The following POLK variants were observed in gnomAD, a reference collection of about 807,000 sequenced individuals.
The protein encoded by POLK is DNA polymerase kappa.
Under a neutral mutation model 94.0 loss-of-function variants are expected in POLK, and 76 were observed. The ratio of observed to expected loss-of-function variants is 0.81; its 90% confidence interval spans 0.67 to 0.98. The LOEUF (loss-of-function observed/expected upper bound fraction) is 0.98. POLK is among the 50% of genes least tolerant of loss of function. POLK has a pLI of 0.00. For synonymous variants in POLK, 349 were observed against 325.4 expected (o/e 1.07, Z -0.78); for missense variants, 954 against 1,010.1 (o/e 0.94, Z 0.75).
intron 11 of POLK, among the ~76,000 whole-genome samples, chr5:75,591,575 A>G (rs1361048295): frequency 6.6e-6 from 1 of 152,182 alleles, no homozygotes; most frequent in African/African-American, 2.4e-5. Context: ...ATACATTGTC[A>G]ATTATTAACC....
intron 3 of POLK, among the ~76,000 whole-genome samples, chr5:75,559,731 G>A (rs1302063516): frequency 2.0e-5 from 3 of 151,508 alleles, no homozygotes; most frequent in Non-Finnish European, 2.9e-5. Flanking sequence ...GTAGAGACAG[G>A]ATCTCACTAT....
chr5:75,596,291 TA>T lies in POLK; in HGVS notation c.1599del (p.Leu533PhefsTer15). 1 of 1,613,736 alleles carries T rather than the reference TA, an allele frequency of 6.2e-7. No individual in the cohort carries two copies. Among genetic ancestry groups the T allele is most frequent in the Non-Finnish European group, 8.5e-7 (1 of 1,179,690 alleles). ...CAACAAAGGAGCATTATTGGCTTTTTACAGGCTGGAAACCAAGCCCTGTCAG... is the reference window on the plus strand; with the variant it reads ...CAACAAAGGAGCATTATTGGCTTTTTCAGGCTGGAAACCAAGCCCTGTCAG... On this transcript the variant is annotated frameshift_variant, in exon 13 of 15. Coordinates refer to ENST00000241436, the Ensembl canonical transcript of POLK. LOFTEE classifies it high-confidence loss of function.
At chr5:75,572,688 A>G (rs1046806819) in intron 4 of POLK, among the ~76,000 whole-genome samples, 64 of 152,196 alleles carry the variant, frequency 4.2e-4, no homozygotes, top group African/African-American at 1.5e-3. Context: ...CTGGTATCAC[A>G]TTATAAATAT....
At chr5:75,556,336 C>T (rs1033857349) in intron 3 of POLK, among the ~76,000 whole-genome samples, 30 of 152,150 alleles carry the variant, frequency 2.0e-4, no homozygotes, top group African/African-American at 7.2e-4. Flanking sequence ...CTGTTAAGGT[C>T]CTTGACCATT....
chr5:75,546,581 T>C (rs898653857), intron 1 of POLK, among the ~76,000 whole-genome samples: 2 of 152,174 alleles, frequency 1.3e-5, no homozygotes, highest in Admixed American at 1.3e-4. Context: ...AACTTTTTTA[T>C]TGATGCATAA....
intron 1 of POLK, among the ~76,000 whole-genome samples, chr5:75,521,044 C>T (rs1768555708): frequency 6.6e-6 from 1 of 152,058 alleles, no homozygotes; most frequent in African/African-American, 2.4e-5. Context: ...CTGTTAAGAG[C>T]CTCTCTTTGT....
At chr5:75,552,877 G>C (rs1379096681) in intron 3 of POLK, among the ~76,000 whole-genome samples, 1 of 152,086 alleles carries the variant, frequency 6.6e-6, no homozygotes, top group African/African-American at 2.4e-5. Context: ...GTAGTTAGCA[G>C]AACTAGGATT....
At chr5:75,553,844 C>A (rs1770454765) in intron 3 of POLK, among the ~76,000 whole-genome samples, 1 of 152,048 alleles carries the variant, frequency 6.6e-6, no homozygotes. Flanking sequence ...CACAAGAGAC[C>A]AAAAATGTAA....
chr5:75,523,270 G>T (rs2112543181), intron 1 of POLK, among the ~76,000 whole-genome samples: 1 of 152,236 alleles, frequency 6.6e-6, no homozygotes, highest in Admixed American at 6.5e-5. Flanking sequence ...TGTCATTTTA[G>T]TTAGAAATAC....
At chr5:75,590,208 T>C in intron 10 of POLK, 136 bp from the exon 11 acceptor site, 1 of 452,996 alleles carries the variant, frequency 2.2e-6, no homozygotes, top group Admixed American at 3.6e-5. Flanking sequence ...TAATTAAATT[T>C]TAGTTCATCT....
intron 1 of POLK, among the ~76,000 whole-genome samples, chr5:75,528,273 A>G (rs1208968332): frequency 6.6e-6 from 1 of 152,174 alleles, no homozygotes; most frequent in Non-Finnish European, 1.5e-5. Flanking sequence ...TCCATGATTA[A>G]GAGGGGAAGA....
chr5:75,552,663 T>A, intron 3 of POLK, 72 bp downstream of exon 3: 1 of 1,356,856 alleles, frequency 7.4e-7, no homozygotes, highest in Non-Finnish European at 1.0e-6. Flanking sequence ...TATTGTCAAG[T>A]CATAACTGAA....
rs1771804868 is a variant in POLK at position 75,575,092 on chromosome 5, G to A, written c.540+1223G>A. On this transcript the variant is annotated intron_variant, in intron 5 of 14. Coordinates refer to ENST00000241436, the Ensembl canonical transcript of POLK. ...TAGTTTATATGCAGATAACAAATGAGTTCTTCTGTGTAAATGAACTGTAGA... is the reference window on the plus strand; with the variant it reads ...TAGTTTATATGCAGATAACAAATGAATTCTTCTGTGTAAATGAACTGTAGA... Among the ~76,000 whole-genome samples, 2 of 152,174 alleles carry A rather than the reference G, an allele frequency of 1.3e-5. 1 individual carries two copies. Among genetic ancestry groups the A allele is most frequent in the South Asian group, 4.1e-4 (2 of 4,836 alleles).
intron 2 of POLK, among the ~76,000 whole-genome samples, chr5:75,550,595 AAGAG>A (rs1770289475): frequency 6.6e-6 from 1 of 152,152 alleles, no homozygotes; most frequent in Non-Finnish European, 1.5e-5. Flanking sequence ...AGATAAAAAA[AAGAG>A]AGAGATCTGA....
Position 75,600,406 on chromosome 5 carries a change from T to C in POLK, c.*2388T>C, listed in dbSNP as rs567756872. On this transcript the variant is annotated 3_prime_UTR_variant, in exon 15 of 15. Coordinates refer to ENST00000241436, the Ensembl canonical transcript of POLK. ...ATTTGTCCCTCAGTAAATTTAAAGATAAACATGCTCAAAACCTAGCAATTG... is the reference window on the plus strand; with the variant it reads ...ATTTGTCCCTCAGTAAATTTAAAGACAAACATGCTCAAAACCTAGCAATTG... 2.0e-5 allele frequency: 3 copies of C among 152,296 alleles called. No individual in the cohort carries two copies. In the South Asian group the frequency reaches 6.2e-4, roughly 32 times the overall value. 9.4% of individuals were successfully genotyped at this position (152,296 alleles called of 1,614,324 possible).
At chr5:75,577,226 A>G (rs1159807620) in intron 6 of POLK, among the ~76,000 whole-genome samples, 1 of 152,198 alleles carries the variant, frequency 6.6e-6, no homozygotes, top group South Asian at 2.1e-4. Context: ...TCTAACTAAC[A>G]AAGAGTTTGG....
At position 75,566,392 on chromosome 5, in the gene POLK, G is replaced by A. The variant is rs555460314; in HGVS notation, c.256-2948G>A. ...GAATGAACGGTTCTGTCTCTCTGGC[G>A]TTCAGGCACCACTGGGGTATGAAAA... On this transcript the variant is annotated intron_variant, in intron 3 of 14. Transcript: ENST00000241436. Among the ~76,000 whole-genome samples the A allele has an allele frequency of 2.0e-4, 30 of 152,190 alleles. No individual in the cohort carries two copies. In the South Asian group the frequency reaches 2.1e-3, roughly 11 times the overall value.
chr5:75,584,991 T>C, intron 9 of POLK, 65 bp downstream of exon 9: 1 of 1,003,600 alleles, frequency 1.0e-6, no homozygotes, highest in Non-Finnish European at 1.5e-6. Context: ...TTTTAACCAT[T>C]GAGATGAGGC....
Position 75,587,064 on chromosome 5 carries a change from G to A in POLK, c.1259+6G>A. 1.4e-6 allele frequency: 2 copies of A among 1,462,910 alleles called. No homozygotes were observed. The highest frequency in any genetic ancestry group is 1.9e-6 in the Non-Finnish European group (2 of 1,058,618). 90.6% of individuals were successfully genotyped at this position (1,462,910 alleles called of 1,614,324 possible). On this transcript the variant is annotated splice_donor_region_variant and intron_variant, in intron 10 of 14. Coordinates refer to ENST00000241436, the Ensembl canonical transcript of POLK. ...AAAAGTATGAGCGTTGAGAGGTAAT[G>A]TTTTATTATTTATTGTTAATTGTGC...
Sources: gnomAD v4.1 joint callset for allele counts (sites outside exome capture counted in the v4.1 genomes callset) on GRCh38, gnomAD v4.1.1 for gene constraint, MANE v1.5 for transcripts, NCBI Gene and HGNC (gene_info 2026-07-23, HGNC 2026-07-21) for gene names.